ASAH1: variants seen among roughly 807,000 people sequenced by gnomAD.
ASAH1 encodes acid ceramidase.
ASAH1 carries 70 observed loss-of-function variants against 59.5 expected under a neutral mutation model. That is an observed-to-expected ratio of 1.18 (90% CI 0.97 to 1.43). ASAH1 has a LOEUF of 1.43. Among genes scored for constraint, ASAH1 ranks in the 40% most tolerant of loss-of-function variants. The probability of loss-of-function intolerance (pLI) is 0.00; values close to 1 mark genes in which losing one functional copy is unlikely to be tolerated. For missense variants in ASAH1, 660 were observed against 482.5 expected, an observed-to-expected ratio of 1.37 and a Z score of -3.45; for synonymous variants, 213 against 166.5, an observed-to-expected ratio of 1.28 and a Z score of -2.15.
intron 1 of ASAH1, among the ~76,000 whole-genome samples, chr8:18,077,995 C>A (rs1012091647): frequency 6.6e-6 from 1 of 152,118 alleles, no homozygotes; most frequent in African/African-American, 2.4e-5. Flanking sequence ...GAAAGTTACA[C>A]AGCTGGTGAC....
chr8:18,084,741 T>G (rs764480709), upstream of ASAH1: 2 of 1,613,754 alleles, frequency 1.2e-6, no homozygotes, highest in South Asian at 2.2e-5. Flanking sequence ...GCGCTGAGAC[T>G]TGGGTAGGAG....
At chr8:18,063,306 TAATTA>T (rs1157593704) in intron 6 of ASAH1, 76 bp from the exon 7 acceptor site, 19 of 1,186,678 alleles carry the variant, frequency 1.6e-5, no homozygotes, top group African/African-American at 3.0e-5. Context: ...TAATTTTGAT[TAATTA>T]ATTTATTTTT....
intron 2 of ASAH1, chr8:18,073,387 C>A: frequency 9.0e-7 from 1 of 1,106,838 alleles, no homozygotes. Context: ...AATATCATTT[C>A]ATCATTTTTG....
At chr8:18,063,396 C>A (rs1799789867) in intron 6 of ASAH1, 166 bp from the exon 7 acceptor site, 5 of 664,068 alleles carry the variant, frequency 7.5e-6, no homozygotes, top group Non-Finnish European at 8.1e-6. Context: ...CTCTGCCTCC[C>A]AGGTTCAAGC....
chr8:18,063,290 G>T, intron 6 of ASAH1, 60 bp from the exon 7 acceptor site: 1 of 1,451,700 alleles, frequency 6.9e-7, no homozygotes, highest in South Asian at 1.1e-5. Context: ...ATCAAAGCTG[G>T]ACAATTAATT....
intron 13 of ASAH1, chr8:18,058,505 T>C (rs909088140): frequency 3.9e-6 from 1 of 256,206 alleles, no homozygotes; most frequent in East Asian, 9.1e-5. Flanking sequence ...GAAAATGGAC[T>C]GCAGACTTTG....
rs770484737 is a variant in ASAH1, at chr8:18,063,249, A to G, written c.458-19T>C. ...AGATGACCTATTTGAAGGTAGACAG[A>G]AGAGACGTGTAATAGCAGTTAAGAT... is the stretch of plus-strand genomic sequence containing the variant. On this transcript the variant is annotated intron_variant, in intron 6 of 13. Coordinates refer to ENST00000637790, the MANE Select transcript of ASAH1 (RefSeq NM_177924.5). 1 of 1,605,906 alleles carries G rather than the reference A, an allele frequency of 6.2e-7. No individual in the cohort carries two copies. The highest frequency in any genetic ancestry group is 8.5e-7 in the Non-Finnish European group (1 of 1,172,614).
intron 1 of ASAH1, among the ~76,000 whole-genome samples, chr8:18,082,125 T>G (rs192932122): frequency 4.5e-4 from 68 of 152,354 alleles, no homozygotes; most frequent in Admixed American, 7.2e-4. Context: ...TTTTTCCAGT[T>G]TCATTGAAAA....
In ASAH1 at chr8:18,075,001, C is replaced by CTTTTTTTTTTTTTTTTTTTTTTTT. The variant is rs769278694; in HGVS notation, c.125+539_125+540insAAAAAAAAAAAAAAAAAAAAAAAA. On this transcript the variant is annotated intron_variant, in intron 2 of 13. Transcript: ENST00000637790. ...ATTGAGTGGAGAATGAAAATCCTTT[C>CTTTTTTTTTTTTTTTTTTTTTTTT]CTTTTTTTTTTTGAGACAGAGTCTC... Among the ~76,000 whole-genome samples the CTTTTTTTTTTTTTTTTTTTTTTTT allele has an allele frequency of 6.1e-5, 9 of 148,468 alleles. 1 individual carries two copies. Among genetic ancestry groups the CTTTTTTTTTTTTTTTTTTTTTTTT allele is most frequent in the African/African-American group, 2.0e-4 (8 of 40,106 alleles).
chr8:18,081,894 T>A (rs1800670821), intron 1 of ASAH1, among the ~76,000 whole-genome samples: 1 of 152,164 alleles, frequency 6.6e-6, no homozygotes, highest in African/African-American at 2.4e-5. Context: ...ATCCCAGGAT[T>A]TTCCAGGCCA....
intron 5 of ASAH1, 126 bp downstream of exon 5, chr8:18,067,094 G>GAACTGTGC (rs1799957256): frequency 2.5e-5 from 3 of 119,494 alleles, no homozygotes; most frequent in Non-Finnish European, 5.8e-5. Flanking sequence ...GTATATCTAA[G>GAACTGTGC]ACCTGTGCAC....
upstream of ASAH1, chr8:18,084,442 G>T (rs1001121064): frequency 1.5e-6 from 2 of 1,360,482 alleles, no homozygotes; most frequent in African/African-American, 1.5e-5. Flanking sequence ...TAGCAGGCGG[G>T]TGCAGCCTGT....
chr8:18,064,006 A>G (rs1799822241), intron 6 of ASAH1: 1 of 233,568 alleles, frequency 4.3e-6, no homozygotes, highest in African/African-American at 2.3e-5. Context: ...GTACTCTGGG[A>G]ACCAGTCAGG....
intron 2 of ASAH1, among the ~76,000 whole-genome samples, chr8:18,074,376 C>T (rs920673732): frequency 1.3e-5 from 2 of 150,554 alleles, no homozygotes; most frequent in African/African-American, 2.5e-5. Flanking sequence ...TACATAAAGG[C>T]GAGTAAGTCA....
chr8:18,083,862 C>G (rs1490577668), intron 1 of ASAH1, 119 bp downstream of exon 1: 4 of 1,519,560 alleles, frequency 2.6e-6, no homozygotes, highest in Admixed American at 4.0e-5. Context: ...CACAGACCCC[C>G]GTAAAGAAGC....
intron 8 of ASAH1, chr8:18,062,016 C>T: frequency 1.6e-6 from 1 of 619,250 alleles, no homozygotes; most frequent in South Asian, 2.0e-5. Context: ...GCGGAAGACC[C>T]AGGACTAGAA....
chr8:18,059,711 G>C lies in ASAH1; in HGVS notation c.786-8C>G. On this transcript the variant is annotated splice_polypyrimidine_tract_variant and splice_region_variant and intron_variant, in intron 10 of 13. Transcript: ENST00000637790. Reference sequence around the variant, plus strand: ...TTCTTGGCTTCTTCATAACTATATAGAAACATTTAAAAAGAAAAATGAAAC... The same window carrying C: ...TTCTTGGCTTCTTCATAACTATATACAAACATTTAAAAAGAAAAATGAAAC... The C allele has an allele frequency of 1.9e-6, 3 of 1,604,270 alleles. No individual in the cohort carries two copies. Among genetic ancestry groups the C allele is most frequent in the Non-Finnish European group, 2.5e-6 (3 of 1,176,558 alleles).
At position 18,058,553 on chromosome 8, in the gene ASAH1, AT is replaced by A. The variant is rs1799561580; in HGVS notation, c.1098+281del. The A allele has an allele frequency of 1.9e-5, 8 of 432,412 alleles. No homozygotes were observed. In the South Asian group the frequency reaches 2.1e-4, roughly 11 times the overall value. The allele number at this position is 432,412 out of a possible 1,614,324, so 26.8% of individuals were successfully genotyped here. On this transcript the variant is annotated intron_variant, in intron 13 of 13. Coordinates refer to ENST00000637790, the MANE Select transcript of ASAH1 (RefSeq NM_177924.5). ...TTAGGTGTTAGTTATATAGTGTGAGATTTTTAATAGATACCAATAAGAGTAA... is the reference window on the plus strand; with the variant it reads ...TTAGGTGTTAGTTATATAGTGTGAGATTTTAATAGATACCAATAAGAGTAA...
At chr8:18,070,992 G>A (rs537586345) in intron 3 of ASAH1, among the ~76,000 whole-genome samples, 13 of 152,200 alleles carry the variant, frequency 8.5e-5, no homozygotes, top group African/African-American at 2.6e-4. Context: ...AGGATCACTC[G>A]AGGTCAGGAG....
Sources: allele counts gnomAD v4.1 joint callset (sites outside exome capture counted in the v4.1 genomes callset), GRCh38; gene constraint gnomAD v4.1.1; transcripts MANE v1.5; gene names NCBI Gene and HGNC (gene_info 2026-07-23, HGNC 2026-07-21).